SYNPO: variants seen among roughly 807,000 people sequenced by gnomAD.
SYNPO encodes the protein synaptopodin.
A neutral mutation model predicts 49.5 loss-of-function variants in SYNPO; 19 were observed. The observed-to-expected ratio is 0.38, with a 90% CI of 0.27 to 0.56. The LOEUF is 0.56. Ranked by LOEUF, SYNPO falls within the 20% of genes least tolerant of loss-of-function variation. The probability of loss-of-function intolerance (pLI) is 0.68; values close to 1 mark genes in which losing one functional copy is unlikely to be tolerated. For missense variants in SYNPO, 1,131 were observed against 1,248.3 expected (o/e 0.91, Z 1.42); for synonymous variants, 536 against 548.0 (o/e 0.98, Z 0.31).
chr5:150,644,016 A>T (rs1336789500), intron 1 of SYNPO, among the ~76,000 whole-genome samples: 1 of 152,028 alleles, frequency 6.6e-6, no homozygotes, highest in Non-Finnish European at 1.5e-5. Context: ...CTCTACAAAA[A>T]ATACAAAAAT....
upstream of SYNPO, among the ~76,000 whole-genome samples, chr5:150,639,693 G>C (rs553661356): frequency 2.0e-5 from 3 of 152,200 alleles, no homozygotes; most frequent in Non-Finnish European, 2.9e-5. Flanking sequence ...ATGAAAAAAG[G>C]CATGTTAAAC....
chr5:150,641,248 G>T (rs1029385055), intron 1 of SYNPO, among the ~76,000 whole-genome samples: 1 of 152,186 alleles, frequency 6.6e-6, no homozygotes, highest in Admixed American at 6.5e-5. Context: ...CATTACTCAG[G>T]CCTCTCCATT....
intron 2 of SYNPO, among the ~76,000 whole-genome samples, chr5:150,625,557 C>T (rs1757327851): frequency 6.6e-6 from 1 of 152,186 alleles, no homozygotes; most frequent in Non-Finnish European, 1.5e-5. Flanking sequence ...GGGAAACTGT[C>T]CTGCGCTGCC....
At chr5:150,641,116 G>C (rs978342754) in intron 1 of SYNPO, among the ~76,000 whole-genome samples, 1 of 152,172 alleles carries the variant, frequency 6.6e-6, no homozygotes, top group African/African-American at 2.4e-5. Context: ...GCAGTCTGCC[G>C]ACCCCAGTCA....
intron 2 of SYNPO, among the ~76,000 whole-genome samples, chr5:150,629,369 G>A (rs1445571785): frequency 2.0e-5 from 3 of 152,146 alleles, no homozygotes; most frequent in Non-Finnish European, 2.9e-5. Context: ...CTTCAGGAAC[G>A]GATGCTCGAA....
intron 1 of SYNPO, among the ~76,000 whole-genome samples, chr5:150,615,815 C>T (rs1394193390): frequency 6.6e-6 from 1 of 152,218 alleles, no homozygotes; most frequent in African/African-American, 2.4e-5. Flanking sequence ...AGGTTGGAAT[C>T]CCAGCCTGGC....
chr5:150,657,523 T>C lies in SYNPO; in HGVS notation c.*436T>C. 1 of 168,960 alleles carries C rather than the reference T, an allele frequency of 5.9e-6. No homozygotes were observed. Among genetic ancestry groups the C allele is most frequent in the Non-Finnish European group, 1.3e-5 (1 of 78,174 alleles). 10.5% of individuals were successfully genotyped at this position (168,960 alleles called of 1,614,324 possible). A position where few individuals can be genotyped will look rare whatever the true frequency, so the allele number is the denominator to read the frequency against. On this transcript the variant is annotated 3_prime_UTR_variant, in exon 3 of 3. Transcript: ENST00000307662. ...GCGGGGCAGTGTGTATATGGACCCC[T>C]GGACTTGCTACCTTCAGGGTTCCAT... is the stretch of plus-strand genomic sequence containing the variant.
At chr5:150,634,429 G>C (rs1428592070) in intron 2 of SYNPO, among the ~76,000 whole-genome samples, 1 of 152,184 alleles carries the variant, frequency 6.6e-6, no homozygotes, top group Non-Finnish European at 1.5e-5. Flanking sequence ...GATGACTTTG[G>C]TGACACGTGA....
At chr5:150,630,239 C>T (rs1359743918) in intron 2 of SYNPO, among the ~76,000 whole-genome samples, 2 of 152,156 alleles carry the variant, frequency 1.3e-5, no homozygotes, top group African/African-American at 4.8e-5. Context: ...CTCCTAAGTG[C>T]TTGAGTTGTA....
the SYNPO span, among the ~76,000 whole-genome samples, chr5:150,586,520 G>T: frequency 1.3e-5 from 2 of 152,174 alleles, no homozygotes; most frequent in East Asian, 3.8e-4. Flanking sequence ...TTCCTATGCT[G>T]GGTAGGTAGG....
At chr5:150,637,808 C>T (rs997096324), upstream of SYNPO, among the ~76,000 whole-genome samples, 6 of 152,226 alleles carry the variant, frequency 3.9e-5, no homozygotes, top group South Asian at 2.1e-4. Context: ...CTGGGCTGCA[C>T]GGCGTCCTTT....
intron 2 of SYNPO, chr5:150,650,755 C>T (rs1478060742): frequency 3.1e-6 from 4 of 1,299,862 alleles, no homozygotes; most frequent in Middle Eastern, 3.0e-4. Context: ...GTCAGCCAGC[C>T]GAGGGTCTGC....
exon 2 of SYNPO, chr5:150,618,328 A>C: frequency 6.7e-7 from 1 of 1,503,062 alleles, no homozygotes; most frequent in Non-Finnish European, 8.9e-7. Context: ...GCCCAGGCCC[A>C]GGAGCCTGCT....
chr5:150,606,462 C>T (rs562632542), intron 1 of SYNPO, among the ~76,000 whole-genome samples: 1 of 152,350 alleles, frequency 6.6e-6, no homozygotes, highest in East Asian at 1.9e-4. Context: ...GAGGGGAAGT[C>T]ACTTGCCCAA....
At chr5:150,607,573 T>C (rs1484384516) in intron 1 of SYNPO, among the ~76,000 whole-genome samples, 1 of 152,202 alleles carries the variant, frequency 6.6e-6, no homozygotes, top group Non-Finnish European at 1.5e-5. Flanking sequence ...GGTACTATTA[T>C]TATTCTAGTT....
At chr5:150,642,407 T>G (rs1156568042) in intron 1 of SYNPO, among the ~76,000 whole-genome samples, 2 of 152,112 alleles carry the variant, frequency 1.3e-5, no homozygotes, top group Admixed American at 1.3e-4. Context: ...CCTGCAGAAG[T>G]TTAGGTGGGG....
intron 1 of SYNPO, among the ~76,000 whole-genome samples, chr5:150,644,819 C>T (rs1758029929): frequency 6.6e-6 from 1 of 152,164 alleles, no homozygotes; most frequent in African/African-American, 2.4e-5. Flanking sequence ...AGGGGAGCAG[C>T]CTGGCTAATA....
the SYNPO span, among the ~76,000 whole-genome samples, chr5:150,590,179 G>T: frequency 6.6e-6 from 1 of 152,232 alleles, no homozygotes; most frequent in African/African-American, 2.4e-5. Context: ...TGATGTCTGA[G>T]CTGGAGCCTG....
At chr5:150,618,392 C>T in exon 2 of SYNPO, 3 of 1,551,338 alleles carry the variant, frequency 1.9e-6, no homozygotes, top group Non-Finnish European at 2.6e-6. Flanking sequence ...CCTCCCACCT[C>T]CGCCCCTTGC....
Sources: allele counts gnomAD v4.1 joint callset (sites outside exome capture counted in the v4.1 genomes callset), GRCh38; gene constraint gnomAD v4.1.1; transcripts MANE v1.5; gene names NCBI Gene and HGNC (gene_info 2026-07-23, HGNC 2026-07-21).